The following CGNL1 variants were observed in gnomAD, a reference collection of about 807,000 sequenced individuals.
CGNL1 encodes the protein cingulin-like protein 1.
In CGNL1, 132 loss-of-function variants were observed where a neutral mutation model predicts 141.2. The observed-to-expected ratio is 0.93, with a 90% CI of 0.81 to 1.08. The LOEUF (loss-of-function observed/expected upper bound fraction) is 1.08, where lower values mean the gene tolerates loss of function less well. Ranked by LOEUF, CGNL1 falls within the 50% of genes least tolerant of loss-of-function variation. The pLI is 0.00. For missense variants in CGNL1, 1,870 were observed against 1,588.6 expected (o/e 1.18, Z -3.01); for synonymous variants, 690 against 622.1 (o/e 1.11, Z -1.63).
intron 1 of CGNL1, among the ~76,000 whole-genome samples, chr15:57,387,674 C>T (rs745402444): frequency 3.3e-5 from 5 of 152,162 alleles, no homozygotes; most frequent in Admixed American, 1.3e-4. Context: ...TAAAAGCTTC[C>T]CACAATGAGA....
At chr15:57,410,334 A>T (rs2062772323) in intron 1 of CGNL1, among the ~76,000 whole-genome samples, 1 of 152,246 alleles carries the variant, frequency 6.6e-6, no homozygotes, top group South Asian at 2.1e-4. Context: ...CTGACTCATG[A>T]TAGTTCCTCA....
At chr15:57,473,063 T>C (rs1595741104) in intron 8 of CGNL1, among the ~76,000 whole-genome samples, 1 of 152,140 alleles carries the variant, frequency 6.6e-6, no homozygotes, top group South Asian at 2.1e-4. Context: ...CTGATGGCCC[T>C]ACACCAGATG....
chr15:57,547,196 G>A (rs1026074453), intron 18 of CGNL1, among the ~76,000 whole-genome samples, 159 bp from the exon 19 acceptor site: 2 of 152,254 alleles, frequency 1.3e-5, no homozygotes, highest in East Asian at 1.9e-4. Context: ...CCCTGTGGCT[G>A]AAGGGGCCAT....
intron 1 of CGNL1, among the ~76,000 whole-genome samples, chr15:57,420,923 A>G (rs2062907198): frequency 6.6e-6 from 1 of 152,176 alleles, no homozygotes; most frequent in Non-Finnish European, 1.5e-5. Context: ...CCTTGCTTTT[A>G]TTCCCATCCA....
At chr15:57,484,717 C>G (rs373105583) in intron 8 of CGNL1, among the ~76,000 whole-genome samples, 1 of 151,992 alleles carries the variant, frequency 6.6e-6, no homozygotes, top group African/African-American at 2.4e-5. Flanking sequence ...CCTCCCCTTA[C>G]CCCCCAATCC....
chr15:57,544,244 C>T (rs1037346052), intron 15 of CGNL1, among the ~76,000 whole-genome samples: 13 of 152,202 alleles, frequency 8.5e-5, no homozygotes, highest in Non-Finnish European at 1.9e-4. Context: ...TTCATTCAGG[C>T]TTATGAGGGA....
intron 8 of CGNL1, among the ~76,000 whole-genome samples, chr15:57,475,525 G>A (rs1036797728): frequency 8.5e-6 from 1 of 117,272 alleles, no homozygotes; most frequent in African/African-American, 3.0e-5. Context: ...GTGTGTGTGT[G>A]TGTGTGTGTG....
chr15:57,545,195 G>A (rs2032789570), intron 16 of CGNL1, among the ~76,000 whole-genome samples: 1 of 152,228 alleles, frequency 6.6e-6, no homozygotes, highest in Admixed American at 6.5e-5. Flanking sequence ...TTCCTAGAAG[G>A]AGCGTGGTGT....
At chr15:57,483,572 C>T (rs1272290710) in intron 8 of CGNL1, among the ~76,000 whole-genome samples, 3 of 142,566 alleles carry the variant, frequency 2.1e-5, no homozygotes, top group South Asian at 4.4e-4. Flanking sequence ...TTCTTGCTTT[C>T]TGATGCTTTC....
intron 15 of CGNL1, among the ~76,000 whole-genome samples, chr15:57,544,112 T>G (rs1323719253): frequency 6.6e-6 from 1 of 152,202 alleles, no homozygotes; most frequent in African/African-American, 2.4e-5. Context: ...TTTCATGATT[T>G]CTGTTCATGT....
intron 8 of CGNL1, among the ~76,000 whole-genome samples, chr15:57,470,680 C>T (rs1273502240): frequency 2.0e-5 from 3 of 152,142 alleles, no homozygotes; most frequent in East Asian, 1.9e-4. Context: ...TCTGTGCCAG[C>T]GCGGTGCTAG....
chr15:57,400,887 T>TAAAAAAA (rs35735890), intron 1 of CGNL1, among the ~76,000 whole-genome samples: 21 of 77,872 alleles, frequency 2.7e-4, no homozygotes, highest in African/African-American at 4.6e-4. Context: ...TGTCTCAAAT[T>TAAAAAAA]AAAAAAAAAA....
chr15:57,509,772 CCTT>C (rs1384266694), intron 8 of CGNL1, among the ~76,000 whole-genome samples: 2 of 152,080 alleles, frequency 1.3e-5, no homozygotes, highest in African/African-American at 4.8e-5. Flanking sequence ...TTTCTTTTTT[CCTT>C]CTTTTAAAAT....
chr15:57,542,760 T>C (rs1489837408), intron 14 of CGNL1, among the ~76,000 whole-genome samples: 9 of 152,208 alleles, frequency 5.9e-5, no homozygotes. Flanking sequence ...TATGTACCTC[T>C]TGGGGAAGTT....
intron 1 of CGNL1, among the ~76,000 whole-genome samples, chr15:57,399,175 A>T (rs2062633291): frequency 6.6e-6 from 1 of 152,196 alleles, no homozygotes; most frequent in African/African-American, 2.4e-5. Flanking sequence ...TCATCACCTC[A>T]AACATTTGTC....
chr15:57,518,979 C>T lies in CGNL1; in HGVS notation c.2715+482C>T, dbSNP rs149276466. 2.6e-3 allele frequency among the ~76,000 whole-genome samples: 399 copies of T among 152,392 alleles called. 4 individuals carry two copies. Among genetic ancestry groups the T allele is most frequent in the African/African-American group, 9.4e-3 (389 of 41,598 alleles). On this transcript the variant is annotated intron_variant, in intron 10 of 18. Transcript: ENST00000281282. ...CTGGCAGAAGCCAATTTCCTTTCTC[C>T]TGTGGGCAAATGCACTCTATAGAGT...
At chr15:57,474,227 A>T (rs1386202002) in intron 8 of CGNL1, among the ~76,000 whole-genome samples, 3 of 152,054 alleles carry the variant, frequency 2.0e-5, no homozygotes, top group Non-Finnish European at 4.4e-5. Context: ...TCACTGCTTG[A>T]TTCCTTACCC....
At chr15:57,387,917 G>T (rs1405113926) in intron 1 of CGNL1, among the ~76,000 whole-genome samples, 1 of 152,224 alleles carries the variant, frequency 6.6e-6, no homozygotes, top group Non-Finnish European at 1.5e-5. Flanking sequence ...GGCTGGGCAG[G>T]GGGTGGAGGA....
chr15:57,542,421 GC>G (rs2032617801), intron 14 of CGNL1, among the ~76,000 whole-genome samples: 1 of 152,204 alleles, frequency 6.6e-6, no homozygotes, highest in Non-Finnish European at 1.5e-5. Flanking sequence ...AGGGTCTGGA[GC>G]CTCCGCCTCA....
Sources: gnomAD v4.1 joint callset for allele counts (sites outside exome capture counted in the v4.1 genomes callset) on GRCh38, gnomAD v4.1.1 for gene constraint, MANE v1.5 for transcripts, NCBI Gene and HGNC (gene_info 2026-07-23, HGNC 2026-07-21) for gene names.